ECM2: variants seen among roughly 807,000 people sequenced by gnomAD.
The protein encoded by ECM2 is extracellular matrix protein 2.
A neutral mutation model predicts 67.5 loss-of-function variants in ECM2; 57 were observed. The ratio of observed to expected loss-of-function variants is 0.84; its 90% confidence interval spans 0.68 to 1.05. The LOEUF is 1.05. ECM2 is among the 50% of genes least tolerant of loss of function. ECM2 has a pLI of 0.00. For missense variants in ECM2, 741 were observed against 822.8 expected, an observed-to-expected ratio of 0.90 and a Z score of 1.22; for synonymous variants, 258 against 294.5, an observed-to-expected ratio of 0.88 and a Z score of 1.27.
At chr9:92,545,669 G>A in the ECM2 span, among the ~76,000 whole-genome samples, 2 of 152,248 alleles carry the variant, frequency 1.3e-5, no homozygotes, top group African/African-American at 4.8e-5. Flanking sequence ...TCCACCTGCA[G>A]CCTGGTGCGG....
chr9:92,500,804 A>T lies in ECM2; in HGVS notation c.1854T>A (p.Asn618Lys). Residue 618 changes from asparagine to lysine, a missense_variant, in exon 9 of 10, where the codon AAT becomes AAA. Transcript: ENST00000344604. ...HSLRELFLDH[N>K]DLKSIPPGIQ... ...TCCCAGGTGGTATAGATTTTAAGTCATTGTGATCCAGAAATAATTCTCTCA... is the reference window on the plus strand; with the variant it reads ...TCCCAGGTGGTATAGATTTTAAGTCTTTGTGATCCAGAAATAATTCTCTCA... The T allele has an allele frequency of 6.2e-7, 1 of 1,614,200 alleles. No homozygotes were observed. The highest frequency in any genetic ancestry group is 8.5e-7 in the Non-Finnish European group (1 of 1,180,034).
chr9:92,512,692 AG>A (rs1428694332), intron 4 of ECM2, among the ~76,000 whole-genome samples: 1 of 152,140 alleles, frequency 6.6e-6, no homozygotes, highest in Non-Finnish European at 1.5e-5. Context: ...TTAATTTTAT[AG>A]GTTTTTGTTT....
Position 92,517,895 on chromosome 9 carries a change from C to T in ECM2, c.293-20G>A. ...TCTTTCCTAGAAGAAAACAAAAGCACAAATTTAAATTTCTTATGTGATTAT... is the reference window on the plus strand; with the variant it reads ...TCTTTCCTAGAAGAAAACAAAAGCATAAATTTAAATTTCTTATGTGATTAT... On this transcript the variant is annotated intron_variant, in intron 2 of 9. Transcript: ENST00000344604. The T allele has an allele frequency of 6.2e-7, 1 of 1,612,874 alleles. No homozygotes were observed. The highest frequency in any genetic ancestry group is 1.1e-5 in the South Asian group (1 of 90,792).
At chr9:92,537,978 G>A (rs999011083), upstream of ECM2, among the ~76,000 whole-genome samples, 4 of 152,148 alleles carry the variant, frequency 2.6e-5, no homozygotes, top group Admixed American at 1.3e-4. Flanking sequence ...GGAAAAAAAT[G>A]TTGATGATAT....
the ECM2 span, among the ~76,000 whole-genome samples, chr9:92,542,125 G>T: frequency 1.3e-5 from 2 of 152,052 alleles, no homozygotes; most frequent in African/African-American, 4.8e-5. Context: ...TAGTGGGATT[G>T]TTAGATCATC....
At position 92,514,896 on chromosome 9, in the gene ECM2, C is replaced by G. The variant is rs374472469; in HGVS notation, c.789G>C (p.Gln263His). 2 of 1,613,646 alleles carry G rather than the reference C, an allele frequency of 1.2e-6. No homozygotes were observed. The highest frequency in any genetic ancestry group is 2.7e-5 in the African/African-American group (2 of 74,876). Residue 263 changes from glutamine (Q) to histidine (H), a missense_variant, in exon 4 of 10, where the codon CAG becomes CAC. Transcript: ENST00000344604. Reference sequence around the variant, plus strand: ...CCTCCTCCCTTCCTTGGCGTTGTTGCTGGTGTGCCAGCCTCCTCTCCTCTC... The same window carrying G: ...CCTCCTCCCTTCCTTGGCGTTGTTGGTGGTGTGCCAGCCTCCTCTCCTCTC... ...RPGEERRLAH[Q>H]QQRQGREEEE...
At chr9:92,546,846 T>C in the ECM2 span, among the ~76,000 whole-genome samples, 48 of 152,332 alleles carry the variant, frequency 3.2e-4, no homozygotes, top group East Asian at 7.9e-3. Context: ...CTAAATTGTC[T>C]ATAACTATTG....
At chr9:92,533,328 A>AAAAAAAATATATATATATATAT (rs1554683138) in intron 1 of ECM2, among the ~76,000 whole-genome samples, 1 of 38,336 alleles carries the variant, frequency 2.6e-5, no homozygotes, top group Non-Finnish European at 4.3e-5. Context: ...AAAAAAAAAA[A>AAAAAAAATATATATATATATAT]ATATATATAT....
Position 92,501,014 on chromosome 9 carries a change from A to C in ECM2, c.1644T>G (p.Tyr548Ter). 1 of 1,614,204 alleles carries C rather than the reference A, an allele frequency of 6.2e-7. No individual in the cohort carries two copies. Among genetic ancestry groups the C allele is most frequent in the South Asian group, 1.1e-5 (1 of 91,076 alleles). The change falls in exon 9 of 10, where the codon TAT (tyrosine) becomes TAG (stop). Residue 548 changes from tyrosine to a stop codon, truncating the protein, a stop_gained. Transcript: ENST00000344604. LOFTEE classifies it high-confidence loss of function. The stretch of plus-strand genomic sequence containing the variant: ...ACTTGGGTAGATAGGACGGGACGTG[A>C]TAGAGCTTGTTGTAGGAGAGATCAA... Reference protein sequence around the residue: ...ESIDLSYNKLYHVPSYLPKSL... With the variant: ...ESIDLSYNKL
chr9:92,530,248 G>A (rs545207287), intron 1 of ECM2, among the ~76,000 whole-genome samples: 20 of 152,202 alleles, frequency 1.3e-4, no homozygotes, highest in Non-Finnish European at 2.2e-4. Context: ...CAAGAATACA[G>A]AGTAACAAGA....
chr9:92,511,613 C>T (rs1847349593), intron 5 of ECM2, among the ~76,000 whole-genome samples: 2 of 152,004 alleles, frequency 1.3e-5, no homozygotes, highest in South Asian at 4.1e-4. Flanking sequence ...GTTGATTGCA[C>T]ACACAAAAAA....
At chr9:92,513,528 C>T (rs1847492133) in intron 4 of ECM2, among the ~76,000 whole-genome samples, 9 of 152,144 alleles carry the variant, frequency 5.9e-5, no homozygotes, top group Admixed American at 5.9e-4. Flanking sequence ...CATAATCACC[C>T]CAAACTGGAA....
intron 6 of ECM2, among the ~76,000 whole-genome samples, chr9:92,507,411 G>A (rs1847071572): frequency 6.6e-6 from 1 of 152,300 alleles, no homozygotes; most frequent in South Asian, 2.1e-4. Context: ...ACATGACTGA[G>A]AGAAAAAGAG....
At chr9:92,521,551 C>T (rs1299428610) in intron 2 of ECM2, among the ~76,000 whole-genome samples, 2 of 152,070 alleles carry the variant, frequency 1.3e-5, no homozygotes, top group Non-Finnish European at 2.9e-5. Flanking sequence ...GGCCACAGAA[C>T]ATTATATGGT....
upstream of ECM2, among the ~76,000 whole-genome samples, chr9:92,536,348 G>A (rs111539473): frequency 1.3e-4 from 20 of 152,250 alleles, 1 homozygote; most frequent in African/African-American, 4.8e-4. Context: ...CCAGGATGAT[G>A]TCACTTGAGC....
At chr9:92,546,530 T>G in the ECM2 span, among the ~76,000 whole-genome samples, 1 of 151,766 alleles carries the variant, frequency 6.6e-6, no homozygotes, top group Admixed American at 6.6e-5. Context: ...TTAAGAGCTG[T>G]AATAGTCAAC....
In ECM2 at chr9:92,515,109, A is replaced by G. The variant is rs1224216208; in HGVS notation, c.576T>C (p.His192=). 1.2e-6 allele frequency: 2 copies of G among 1,613,958 alleles called. No individual in the cohort carries two copies. Among genetic ancestry groups the G allele is most frequent in the Non-Finnish European group, 1.7e-6 (2 of 1,180,010 alleles). ...CCACCTGAGGAGGTGGCAGTTGCTTATGAAGTAAATTGGTAGGTTCTCTTT... is the reference window on the plus strand; with the variant it reads ...CCACCTGAGGAGGTGGCAGTTGCTTGTGAAGTAAATTGGTAGGTTCTCTTT... The part of the protein sequence containing the change: ...SEQREPTNLL[H]KQLPPPQVGM... The change falls in exon 4 of 10, where the codon CAT becomes CAC. Residue 192 remains histidine (H), a synonymous_variant. Coordinates refer to ENST00000344604, the MANE Select transcript of ECM2 (RefSeq NM_001393.4).
intron 9 of ECM2, among the ~76,000 whole-genome samples, chr9:92,498,951 T>C (rs1379643114): frequency 6.6e-6 from 1 of 152,218 alleles, no homozygotes; most frequent in East Asian, 1.9e-4. Flanking sequence ...GGCAGTCCAC[T>C]GAAAGGCCTC....
intron 4 of ECM2, 102 bp from the exon 5 acceptor site, chr9:92,512,228 G>T (rs993514151): frequency 4.6e-6 from 3 of 646,278 alleles, no homozygotes; most frequent in Non-Finnish European, 7.9e-6. Flanking sequence ...AGCTTTGTCT[G>T]GAGGAGAAAG....
Sources: allele counts gnomAD v4.1 joint callset (sites outside exome capture counted in the v4.1 genomes callset), GRCh38; gene constraint gnomAD v4.1.1; transcripts MANE v1.5; gene names NCBI Gene and HGNC (gene_info 2026-07-23, HGNC 2026-07-21).